The following GSE1 variants were observed in gnomAD, a reference collection of about 807,000 sequenced individuals.
GSE1 encodes the protein genetic suppressor element 1.
In GSE1, 32 loss-of-function variants were observed where a neutral mutation model predicts 112.6. The observed-to-expected ratio is 0.28, with a 90% CI of 0.21 to 0.38. The LOEUF (loss-of-function observed/expected upper bound fraction) is 0.38, where lower values mean the gene tolerates loss of function less well. Among genes scored for constraint, GSE1 ranks in the 10% least tolerant of loss-of-function variants. The pLI is 1.00. For synonymous variants in GSE1, 1,115 were observed against 735.6 expected (o/e 1.52, Z -8.35); for missense variants, 2,348 against 1,699.2 (o/e 1.38, Z -6.71).
intron 1 of GSE1, among the ~76,000 whole-genome samples, chr16:85,216,377 T>A (rs960557127): frequency 2.6e-5 from 4 of 152,194 alleles, no homozygotes; most frequent in Non-Finnish European, 2.9e-5. Context: ...CCAGCCTGAA[T>A]GACAGAGCAA....
chr16:85,316,215 A>C (rs1437990037), intron 1 of GSE1, among the ~76,000 whole-genome samples: 1 of 152,288 alleles, frequency 6.6e-6, no homozygotes, highest in African/African-American at 2.4e-5. Flanking sequence ...GCTTTTAAAA[A>C]GGAAAAGCAG....
intron 2 of GSE1, among the ~76,000 whole-genome samples, chr16:85,525,598 G>A (rs1284642021): frequency 6.6e-6 from 1 of 152,220 alleles, no homozygotes; most frequent in Non-Finnish European, 1.5e-5. Context: ...CCACATGCCT[G>A]AGGACCAGTT....
At chr16:85,643,496 G>T (rs1025194834) in intron 2 of GSE1, among the ~76,000 whole-genome samples, 1 of 142,082 alleles carries the variant, frequency 7.0e-6, no homozygotes, top group Non-Finnish European at 1.6e-5. Context: ...TTCCTCACCC[G>T]CGCCTCTTTC....
intron 1 of GSE1, among the ~76,000 whole-genome samples, chr16:85,241,152 CGTG>C (rs1905134802): frequency 2.0e-5 from 2 of 102,336 alleles, no homozygotes; most frequent in East Asian, 3.3e-4. Flanking sequence ...TTCCTAGCTG[CGTG>C]ACCTTGGGCT....
intron 1 of GSE1, among the ~76,000 whole-genome samples, chr16:85,333,489 T>A (rs376909343): frequency 6.6e-6 from 1 of 152,114 alleles, no homozygotes; most frequent in Non-Finnish European, 1.5e-5. Flanking sequence ...GCCCTTCCAC[T>A]TTGCCCACCT....
chr16:85,452,607 G>A (rs1489969545), intron 2 of GSE1, among the ~76,000 whole-genome samples: 7 of 152,332 alleles, frequency 4.6e-5, no homozygotes, highest in East Asian at 3.9e-4. Context: ...CTCCTTCCTC[G>A]GAATCCCCTG....
chr16:85,436,148 G>A (rs960538053), intron 2 of GSE1, among the ~76,000 whole-genome samples: 2 of 152,144 alleles, frequency 1.3e-5, no homozygotes, highest in African/African-American at 4.8e-5. Flanking sequence ...GCCCAGCCCT[G>A]GGTTAATGGG....
chr16:85,449,049 C>T (rs1465349892), intron 2 of GSE1, among the ~76,000 whole-genome samples: 3 of 152,142 alleles, frequency 2.0e-5, no homozygotes, highest in African/African-American at 7.2e-5. Flanking sequence ...AGGCAGGTGG[C>T]CGGGCGCAGG....
In GSE1 at chr16:85,654,428, G is replaced by C. The variant is rs1312030608; in HGVS notation, c.577G>C (p.Asp193His). ...CCTCTCCCCCAGCTCAGTTGTGCAG[G>C]ATTCCCGCTTCCCGCCACTCAAGTA... ...FGLSPSSVVQDSRFPPLNLQR... is the reference protein window; with the variant it reads ...FGLSPSSVVQHSRFPPLNLQR... Residue 193 changes from aspartate (D) to histidine (H), a missense_variant, in exon 4 of 16, where the codon GAT becomes CAT. By Grantham distance (81) the Asp-to-His change is moderately conservative. Transcript: ENST00000253458. 6.4e-7 allele frequency: 1 copy of C among 1,569,696 alleles called. No homozygotes were observed. Among genetic ancestry groups the C allele is most frequent in the Non-Finnish European group, 8.6e-7 (1 of 1,156,404 alleles).
In GSE1 at chr16:85,674,928, A is replaced by C. The variant is rs1359968012; in HGVS notation, c.*2389A>C. On this transcript the variant is annotated 3_prime_UTR_variant, in exon 16 of 16. Coordinates refer to ENST00000253458, the MANE Select transcript of GSE1 (RefSeq NM_014615.5). ...GTACTCTACTCTTGCTCAAGAAGTAATACGACAATCAGAATACAAACCAGT... is the reference window on the plus strand; with the variant it reads ...GTACTCTACTCTTGCTCAAGAAGTACTACGACAATCAGAATACAAACCAGT... The C allele has an allele frequency of 1.3e-5, 2 of 152,672 alleles. No individual in the cohort carries two copies. Among genetic ancestry groups the C allele is most frequent in the South Asian group, 2.1e-4 (1 of 4,828 alleles). 9.5% of individuals were successfully genotyped at this position (152,672 alleles called of 1,614,324 possible).
In GSE1 at chr16:85,426,211, A is replaced by C. The variant is rs141848316; in HGVS notation, c.2464+68568A>C. ...GATAGATGGATGGCTGGATGGATGG[A>C]TGGATGGATGGTAGATGGTGGGTGA... On this transcript the variant is annotated intron_variant, in intron 2 of 2. Transcript: ENST00000637419. Among the ~76,000 whole-genome samples, 35 of 148,052 alleles carry C rather than the reference A, an allele frequency of 2.4e-4. 1 individual carries two copies. The highest frequency in any genetic ancestry group is 8.5e-4 in the African/African-American group (34 of 40,176).
intron 2 of GSE1, among the ~76,000 whole-genome samples, chr16:85,511,545 A>T (rs1225430254): frequency 1.3e-5 from 2 of 150,112 alleles, no homozygotes; most frequent in African/African-American, 4.9e-5. Context: ...AAAAAAAAAA[A>T]GATGGCCTGG....
intron 1 of GSE1, among the ~76,000 whole-genome samples, chr16:85,616,849 T>C (rs1476236548): frequency 6.6e-6 from 1 of 152,122 alleles, no homozygotes; most frequent in Non-Finnish European, 1.5e-5. Context: ...GAGAATTTAT[T>C]GAGCTCCTCC....
In GSE1 at chr16:85,655,911, C is replaced by T. The variant is rs199993964; in HGVS notation, c.983C>T (p.Ala328Val). Residue 328 changes from alanine to valine, a missense_variant, in exon 6 of 16, where the codon GCG (alanine) becomes GTG (valine). By Grantham distance (64) the Ala-to-Val change is moderately conservative (BLOSUM62 0). Coordinates refer to ENST00000253458, the MANE Select transcript of GSE1 (RefSeq NM_014615.5). ...LHSERMSGLS[A>V]ERLQMDEELR... is the part of the protein sequence containing the mutation. ...TCGGAGCGCATGTCTGGCCTCAGCG[C>T]GGAGAGGTAAGTGCGTCTCGAGCCG... is the stretch of plus-strand genomic sequence containing the variant. The T allele has an allele frequency of 1.5e-4, 242 of 1,601,996 alleles. 1 individual carries two copies. The South Asian group carries it at 2.1e-3, about 14-fold the overall frequency.
At chr16:85,432,435 A>C (rs1483517086) in intron 2 of GSE1, among the ~76,000 whole-genome samples, 1 of 152,224 alleles carries the variant, frequency 6.6e-6, no homozygotes, top group Non-Finnish European at 1.5e-5. Context: ...ATGAGCTTGA[A>C]GCTCTGACCC....
intron 1 of GSE1, among the ~76,000 whole-genome samples, chr16:85,317,004 G>A (rs966841768): frequency 1.3e-5 from 2 of 152,314 alleles, no homozygotes; most frequent in South Asian, 2.1e-4. Context: ...CTCAGGCCCC[G>A]TCCCTGCACT....
At chr16:85,670,427 C>G (rs2053237786) in intron 14 of GSE1, among the ~76,000 whole-genome samples, 1 of 151,698 alleles carries the variant, frequency 6.6e-6, no homozygotes, top group Non-Finnish European at 1.5e-5. Flanking sequence ...TTTGTTAGTA[C>G]TTTTAGGATT....
At chr16:85,634,747 G>C (rs908001680) in intron 2 of GSE1, among the ~76,000 whole-genome samples, 6 of 152,176 alleles carry the variant, frequency 3.9e-5, no homozygotes, top group African/African-American at 1.4e-4. Flanking sequence ...GATCCTCTGA[G>C]CCTCATTTTT....
intron 1 of GSE1, among the ~76,000 whole-genome samples, chr16:85,185,897 G>A (rs1037102408): frequency 6.6e-6 from 1 of 152,230 alleles, no homozygotes; most frequent in Non-Finnish European, 1.5e-5. Context: ...ATGTTTATGG[G>A]GGAAATTGAC....
Sources: gnomAD v4.1 joint callset for allele counts (sites outside exome capture counted in the v4.1 genomes callset) on GRCh38, gnomAD v4.1.1 for gene constraint, MANE v1.5 for transcripts, NCBI Gene and HGNC (gene_info 2026-07-23, HGNC 2026-07-21) for gene names.